The following PTPRG variants were observed in gnomAD, a reference collection of about 807,000 sequenced individuals.
PTPRG encodes protein tyrosine phosphatase receptor type G.
A neutral mutation model predicts 165.3 loss-of-function variants in PTPRG; 102 were observed. The observed-to-expected ratio is 0.62, with a 90% CI of 0.53 to 0.73. PTPRG has a LOEUF of 0.73. Ranked by LOEUF, PTPRG falls within the 30% of genes least tolerant of loss-of-function variation. PTPRG has a pLI of 0.00. For synonymous variants in PTPRG, 675 were observed against 669.5 expected (o/e 1.01, Z -0.13); for missense variants, 1,866 against 1,861.4 (o/e 1.00, Z -0.05).
intron 1 of PTPRG, among the ~76,000 whole-genome samples, chr3:61,695,002 C>CT (rs2030479262): frequency 6.6e-6 from 1 of 151,638 alleles, no homozygotes; most frequent in South Asian, 2.1e-4. Flanking sequence ...AACTGTTTGG[C>CT]TTTTTTTCTT....
chr3:61,992,331 G>A (rs1241030341), intron 3 of PTPRG, among the ~76,000 whole-genome samples: 5 of 151,656 alleles, frequency 3.3e-5, no homozygotes, highest in African/African-American at 4.8e-5. Flanking sequence ...GTATTGTTTT[G>A]TTTTAACACT....
intron 1 of PTPRG, among the ~76,000 whole-genome samples, chr3:61,604,577 G>A (rs1184371878): frequency 6.6e-6 from 1 of 152,142 alleles, no homozygotes; most frequent in African/African-American, 2.4e-5. Context: ...CAACCAGCCT[G>A]TAATGTAAGT....
chr3:61,896,231 A>G (rs1402599974), intron 2 of PTPRG, among the ~76,000 whole-genome samples: 6 of 151,934 alleles, frequency 3.9e-5, no homozygotes, highest in Non-Finnish European at 8.8e-5. Flanking sequence ...CCCATCTCTA[A>G]CTCCTAGAAA....
At chr3:62,099,329 C>G (rs892461211) in intron 5 of PTPRG, among the ~76,000 whole-genome samples, 5 of 152,164 alleles carry the variant, frequency 3.3e-5, no homozygotes, top group African/African-American at 9.7e-5. Context: ...ACCGTCGCTA[C>G]TTCCTAGTCT....
intron 1 of PTPRG, among the ~76,000 whole-genome samples, chr3:61,592,256 C>T (rs1160082251): frequency 2.0e-5 from 3 of 151,908 alleles, no homozygotes; most frequent in African/African-American, 7.3e-5. Context: ...TGTGAGCCAC[C>T]GCGTCCAGCA....
intron 2 of PTPRG, among the ~76,000 whole-genome samples, chr3:61,970,047 T>C (rs1334569289): frequency 6.6e-6 from 1 of 152,240 alleles, no homozygotes; most frequent in Non-Finnish European, 1.5e-5. Context: ...TCACTCCTTT[T>C]TAGCACAAAT....
intron 1 of PTPRG, among the ~76,000 whole-genome samples, chr3:61,665,596 G>A (rs1018950690): frequency 3.4e-5 from 4 of 117,044 alleles, no homozygotes; most frequent in South Asian, 3.4e-4. Flanking sequence ...AGGCTGAGGC[G>A]GGAAGATCAT....
chr3:61,912,587 CTT>C (rs938716331), intron 2 of PTPRG, among the ~76,000 whole-genome samples: 2 of 152,166 alleles, frequency 1.3e-5, no homozygotes, highest in African/African-American at 4.8e-5. Flanking sequence ...GACCGACAGT[CTT>C]TTCTAAAAGT....
intron 1 of PTPRG, among the ~76,000 whole-genome samples, chr3:61,598,945 T>A (rs1700771967): frequency 6.6e-6 from 1 of 152,164 alleles, no homozygotes. Context: ...ATACCAGTTG[T>A]ACTGGAATAA....
intron 1 of PTPRG, among the ~76,000 whole-genome samples, chr3:61,592,010 G>T (rs936606189): frequency 8.0e-5 from 12 of 149,608 alleles, no homozygotes; most frequent in Middle Eastern, 3.3e-3. Context: ...TTTCACTCTT[G>T]TTGCCCAGGC....
At chr3:62,095,320 G>C (rs1702074470) in intron 5 of PTPRG, among the ~76,000 whole-genome samples, 1 of 152,210 alleles carries the variant, frequency 6.6e-6, no homozygotes, top group African/African-American at 2.4e-5. Flanking sequence ...TCTACAAGGA[G>C]ATTTTTGTGA....
chr3:61,743,204 C>A (rs1253243016), intron 1 of PTPRG: 2 of 714,336 alleles, frequency 2.8e-6, no homozygotes, highest in East Asian at 5.4e-5. Context: ...AGTAGAAGTT[C>A]TGAGAAGAGA....
chr3:61,741,454 A>G (rs1443059424), intron 1 of PTPRG, among the ~76,000 whole-genome samples: 2 of 152,194 alleles, frequency 1.3e-5, no homozygotes, highest in Non-Finnish European at 2.9e-5. Flanking sequence ...GATGTTTTCA[A>G]TTTTATATGG....
At chr3:62,196,235 A>AT (rs1699960143) in intron 10 of PTPRG, among the ~76,000 whole-genome samples, 1 of 151,778 alleles carries the variant, frequency 6.6e-6, no homozygotes. Context: ...CTACTAAAAA[A>AT]AACAAAAATT....
chr3:62,166,626 G>A (rs1265597023), intron 7 of PTPRG, among the ~76,000 whole-genome samples: 8 of 151,936 alleles, frequency 5.3e-5, no homozygotes, highest in Admixed American at 2.0e-4. Flanking sequence ...ATGAGCCACC[G>A]GGCCTGGCCA....
chr3:61,851,984 T>G (rs2036976533), intron 2 of PTPRG, among the ~76,000 whole-genome samples: 1 of 152,196 alleles, frequency 6.6e-6, no homozygotes, highest in Non-Finnish European at 1.5e-5. Context: ...ATTAGTGGTT[T>G]TAGGCCACTA....
chr3:62,097,670 A>T (rs1702161779), intron 5 of PTPRG, among the ~76,000 whole-genome samples: 1 of 152,240 alleles, frequency 6.6e-6, no homozygotes, highest in South Asian at 2.1e-4. Flanking sequence ...TAGCATACTT[A>T]TAAAATAGAA....
intron 1 of PTPRG, among the ~76,000 whole-genome samples, chr3:61,649,599 G>C (rs142920512): frequency 6.6e-6 from 1 of 152,300 alleles, no homozygotes; most frequent in African/African-American, 2.4e-5. Context: ...TAAAGATCCC[G>C]ATTCTTAATA....
At chr3:61,716,346 T>C (rs1426838086) in intron 1 of PTPRG, among the ~76,000 whole-genome samples, 1 of 152,226 alleles carries the variant, frequency 6.6e-6, no homozygotes, top group East Asian at 1.9e-4. Flanking sequence ...ATCAAAGATG[T>C]ATCTCAACTA....
Sources: allele counts gnomAD v4.1 joint callset (sites outside exome capture counted in the v4.1 genomes callset), GRCh38; gene constraint gnomAD v4.1.1; transcripts MANE v1.5; gene names NCBI Gene and HGNC (gene_info 2026-07-23, HGNC 2026-07-21).